The following XKR4 variants were observed in gnomAD, a reference collection of about 807,000 sequenced individuals.
The protein encoded by XKR4 is XK related 4.
Under a neutral mutation model 53.9 loss-of-function variants are expected in XKR4, and 12 were observed. That is an observed-to-expected ratio of 0.22 (90% CI 0.14 to 0.36). The LOEUF (loss-of-function observed/expected upper bound fraction) is 0.36. Among genes scored for constraint, XKR4 ranks in the 10% least tolerant of loss-of-function variants. XKR4 has a pLI of 1.00. For missense variants in XKR4, 799 were observed against 859.5 expected (o/e 0.93, Z 0.88); for synonymous variants, 354 against 362.4 (o/e 0.98, Z 0.26).
chr8:55,112,728 T>C lies in XKR4; in HGVS notation c.806+9434T>C, dbSNP rs1448446771. Among the ~76,000 whole-genome samples, 3 of 152,068 alleles carry C rather than the reference T, an allele frequency of 2.0e-5. No homozygotes were observed. The East Asian group carries it at 5.8e-4, about 29-fold the overall frequency. On this transcript the variant is annotated intron_variant, in intron 1 of 2. Transcript: ENST00000327381. ...GACGGTAACAATGAGGAAATGATCC[T>C]TTAGTGAGGCAAGGAAAGGATTTGT...
chr8:55,455,249 G>GGCGGCCGCA (rs1585583291), intron 2 of XKR4: 2 of 183,142 alleles, frequency 1.1e-5, no homozygotes, highest in Non-Finnish European at 2.2e-5. Flanking sequence ...TTCGCTCCGC[G>GGCGGCCGCA]GCGGCCGCAG....
chr8:55,195,318 CTG>C (rs1346248623), intron 1 of XKR4, among the ~76,000 whole-genome samples: 1 of 141,372 alleles, frequency 7.1e-6, no homozygotes, highest in Non-Finnish European at 1.6e-5. Flanking sequence ...AAATTTAACA[CTG>C]AGAGTTCTAT....
At chr8:55,261,890 A>ATT (rs1818531561) in intron 1 of XKR4, among the ~76,000 whole-genome samples, 5 of 141,324 alleles carry the variant, frequency 3.5e-5, no homozygotes, top group South Asian at 2.3e-4. Flanking sequence ...TTTTTTTTAA[A>ATT]AAAAAGTATA....
chr8:55,229,840 C>A (rs564220222), intron 1 of XKR4, among the ~76,000 whole-genome samples: 1 of 152,020 alleles, frequency 6.6e-6, no homozygotes, highest in East Asian at 1.9e-4. Flanking sequence ...ATCCTCAAAG[C>A]CGGTATAACT....
intron 2 of XKR4, among the ~76,000 whole-genome samples, chr8:55,480,303 C>A: frequency 6.6e-6 from 1 of 150,396 alleles, no homozygotes; most frequent in Non-Finnish European, 1.5e-5. Context: ...ACAAAAACCA[C>A]ATGATTATCT....
At chr8:55,309,996 G>A (rs1819365031) in intron 1 of XKR4, among the ~76,000 whole-genome samples, 1 of 152,016 alleles carries the variant, frequency 6.6e-6, no homozygotes, top group African/African-American at 2.4e-5. Context: ...CCTTAATTCA[G>A]GGGGTCCTTC....
chr8:55,508,173 A>G (rs895335555), intron 2 of XKR4, among the ~76,000 whole-genome samples: 6 of 152,214 alleles, frequency 3.9e-5, no homozygotes, highest in African/African-American at 1.4e-4. Context: ...CTGTCCTATT[A>G]GGGACATGTC....
chr8:55,311,846 A>AG, intron 1 of XKR4, among the ~76,000 whole-genome samples: 1 of 136,524 alleles, frequency 7.3e-6, no homozygotes, highest in Admixed American at 7.2e-5. Context: ...AAAAAAAAAA[A>AG]AAAAAGAAAA....
chr8:55,307,007 A>T (rs1819310853), intron 1 of XKR4, among the ~76,000 whole-genome samples: 1 of 151,792 alleles, frequency 6.6e-6, no homozygotes, highest in South Asian at 2.1e-4. Context: ...CAGATCACAG[A>T]CTTAAATGTA....
chr8:55,102,381 C>T lies in XKR4; in HGVS notation c.-108C>T, dbSNP rs1816055805. The T allele has an allele frequency of 3.8e-6, 5 of 1,316,028 alleles. No individual in the cohort carries two copies. In the East Asian group the frequency reaches 1.3e-4, roughly 35 times the overall value. 81.5% of individuals were successfully genotyped at this position (1,316,028 alleles called of 1,614,324 possible). ...ACGCAGGAGCAGGAGGAGGGGGAGC[C>T]GCACCGCCTGGGAGGGAAGCCGGGG... On this transcript the variant is annotated 5_prime_UTR_variant, in exon 1 of 3. Coordinates refer to ENST00000327381, the MANE Select transcript of XKR4 (RefSeq NM_052898.2). This position sits in a 1 kb window ranked among gnomAD's most constrained non-coding sequence, Gnocchi z 5.1.
At chr8:55,157,081 T>G (rs1285835165) in intron 1 of XKR4, among the ~76,000 whole-genome samples, 3 of 152,238 alleles carry the variant, frequency 2.0e-5, no homozygotes, top group Non-Finnish European at 4.4e-5. Context: ...ATAACAACTT[T>G]CCATGACCCA....
intron 1 of XKR4, among the ~76,000 whole-genome samples, chr8:55,188,980 G>T (rs769755755): frequency 6.6e-6 from 1 of 152,104 alleles, no homozygotes; most frequent in African/African-American, 2.4e-5. Context: ...TAGGTGATAG[G>T]ATTCACAAAT....
Position 55,312,409 on chromosome 8 carries a change from T to C in XKR4, c.807-45269T>C, listed in dbSNP as rs569291103. 6.3e-4 allele frequency among the ~76,000 whole-genome samples: 96 copies of C among 152,228 alleles called. 1 individual carries two copies. The highest frequency in any genetic ancestry group is 1.1e-3 in the Non-Finnish European group (78 of 68,040). On this transcript the variant is annotated intron_variant, in intron 1 of 2. Transcript: ENST00000327381. ...TTGATATTTGTTTCCTTTATTTATA[T>C]AGCCAATTACAAAGGCAGAATAAGA...
Position 55,524,278 on chromosome 8 carries a change from G to T in XKR4, c.*51G>T. 1.3e-6 allele frequency: 2 copies of T among 1,536,592 alleles called. No individual in the cohort carries two copies. The highest frequency in any genetic ancestry group is 1.8e-6 in the Non-Finnish European group (2 of 1,128,242). ...ACATCCAGATGAAGGGGTGACAGCA[G>T]GGCTGTGGCCATAATGACACTTCAT... On this transcript the variant is annotated 3_prime_UTR_variant, in exon 3 of 3. Transcript: ENST00000327381.
chr8:55,289,652 AGG>A lies in XKR4; in HGVS notation c.807-68025_807-68024del, dbSNP rs55827236. On this transcript the variant is annotated intron_variant, in intron 1 of 2. Transcript: ENST00000327381. ...AAGAAAGAAAGAAAGAAAGAAAGGA[AGG>A]AAGGAAAAGAAAAGAAAAGAAAGAG... is the stretch of plus-strand genomic sequence containing the variant. Among the ~76,000 whole-genome samples, 170 of 133,740 alleles carry A rather than the reference AGG, an allele frequency of 1.3e-3. 1 individual carries two copies. The highest frequency in any genetic ancestry group is 3.3e-3 in the African/African-American group (121 of 36,394). The allele number at this position is 133,740 out of a possible 152,430, so 87.7% of individuals were successfully genotyped here.
chr8:55,362,843 A>C (rs924262542), intron 2 of XKR4, among the ~76,000 whole-genome samples: 1 of 152,238 alleles, frequency 6.6e-6, no homozygotes, highest in African/African-American at 2.4e-5. Flanking sequence ...TTGCTGTATC[A>C]GAGCTCCCTG....
intron 1 of XKR4, among the ~76,000 whole-genome samples, chr8:55,253,062 A>C (rs1227127915): frequency 6.6e-6 from 1 of 152,204 alleles, no homozygotes; most frequent in Non-Finnish European, 1.5e-5. Context: ...AGGGAGTGGA[A>C]AGAACACAAA....
intron 1 of XKR4, among the ~76,000 whole-genome samples, chr8:55,205,902 C>G (rs983474072): frequency 6.6e-6 from 1 of 152,116 alleles, no homozygotes; most frequent in Non-Finnish European, 1.5e-5. Context: ...GAGTTTGTTC[C>G]TTCAGATGTT....
chr8:55,459,797 C>T (rs547535260), intron 2 of XKR4, among the ~76,000 whole-genome samples: 1 of 152,142 alleles, frequency 6.6e-6, no homozygotes, highest in African/African-American at 2.4e-5. Flanking sequence ...TGTGAAGAAA[C>T]TAGAACTCTT....
Sources: allele counts gnomAD v4.1 joint callset (sites outside exome capture counted in the v4.1 genomes callset), GRCh38; gene constraint gnomAD v4.1.1; non-coding constraint Gnocchi (gnomAD v3.1); transcripts MANE v1.5; gene names NCBI Gene and HGNC (gene_info 2026-07-23, HGNC 2026-07-21).